Variants in NFIB observed in about 807,000 individuals in gnomAD.
The protein encoded by NFIB is nuclear factor I B.
NFIB carries 11 observed loss-of-function variants against 61.5 expected under a neutral mutation model. The observed-to-expected ratio is 0.18, with a 90% confidence interval of 0.11 to 0.30. The LOEUF is 0.30. Ranked by LOEUF, NFIB falls within the 10% of genes least tolerant of loss-of-function variation. NFIB has a pLI of 1.00. For synonymous variants in NFIB, 260 were observed against 216.5 expected (o/e 1.20, Z -1.76); for missense variants, 471 against 608.9 (o/e 0.77, Z 2.38).
chr9:14,254,589 C>G (rs1014291292), intron 2 of NFIB, among the ~76,000 whole-genome samples: 1 of 152,078 alleles, frequency 6.6e-6, no homozygotes, highest in Non-Finnish European at 1.5e-5. Context: ...ACAGTACTCC[C>G]GTGCACTGGT....
rs140705334 is a variant in NFIB at position 14,207,835 on chromosome 9, C to T, written c.563-28055G>A. 3.5e-3 allele frequency among the ~76,000 whole-genome samples: 532 copies of T among 152,256 alleles called. 3 individuals carry two copies. The highest frequency in any genetic ancestry group is 0.016 in the South Asian group (77 of 4,822). On this transcript the variant is annotated intron_variant, in intron 2 of 10. Coordinates refer to ENST00000380953, the MANE Select transcript of NFIB (RefSeq NM_001190737.2). ...GACAACATGACCACAGAGAAGAGCC[C>T]GTTTCCATTGCCACCTGAAAGACAG...
chr9:14,494,551 T>C, the NFIB span, among the ~76,000 whole-genome samples: 18 of 152,192 alleles, frequency 1.2e-4, no homozygotes, highest in Non-Finnish European at 2.9e-5. Context: ...GTTACCAACA[T>C]GGAGTGCTAC....
the NFIB span, among the ~76,000 whole-genome samples, chr9:14,509,939 C>G: frequency 1.8e-4 from 27 of 152,304 alleles, no homozygotes; most frequent in African/African-American, 6.3e-4. Context: ...CTCTGTCGCC[C>G]AGGCTGGAGT....
intron 1 of NFIB, among the ~76,000 whole-genome samples, chr9:14,330,094 T>G (rs2060803805): frequency 1.3e-5 from 2 of 152,032 alleles, no homozygotes; most frequent in Non-Finnish European, 2.9e-5. Context: ...GCCACTGCAC[T>G]CCAGCCTGGG....
At chr9:14,262,216 G>T (rs566324645) in intron 2 of NFIB, among the ~76,000 whole-genome samples, 12 of 152,108 alleles carry the variant, frequency 7.9e-5, no homozygotes, top group African/African-American at 2.9e-4. Context: ...GGCTTTGATT[G>T]TGAGGGTCAG....
chr9:14,346,760 C>A lies in NFIB; in HGVS notation c.109-39240G>T, dbSNP rs572951667. 2.5e-4 allele frequency among the ~76,000 whole-genome samples: 38 copies of A among 152,238 alleles called. No homozygotes were observed. The South Asian group carries it at 6.6e-3, about 27-fold the overall frequency. On this transcript the variant is annotated intron_variant, in intron 1 of 8. Coordinates refer to the NFIB transcript ENST00000380934. ...TCTGTGATGGTCACCTGGCGGTGCG[C>A]AAGGAGTTATAGAACCTTGAGGGGG... is the stretch of plus-strand genomic sequence containing the variant.
intron 2 of NFIB, among the ~76,000 whole-genome samples, chr9:14,205,888 G>A (rs1216043258): frequency 2.6e-5 from 4 of 151,308 alleles, no homozygotes; most frequent in Non-Finnish European, 4.4e-5. Context: ...CTCTTTAATC[G>A]TATATTTTGA....
chr9:14,496,628 G>A, the NFIB span, among the ~76,000 whole-genome samples: 36 of 152,178 alleles, frequency 2.4e-4, no homozygotes, highest in African/African-American at 7.5e-4. Flanking sequence ...CTTGCATTTC[G>A]TAGTCCATCT....
rs565746504 is a variant in NFIB, at chr9:14,363,825, T to A, written c.108+34699A>T. The stretch of plus-strand genomic sequence containing the variant: ...CTCAACTCAAAAGCATGCCGTTTTC[T>A]ATCTAGCAATATGTCTTAGACATCT... On this transcript the variant is annotated intron_variant, in intron 1 of 8. Coordinates refer to the NFIB transcript ENST00000380934. Among the ~76,000 whole-genome samples, 53 of 152,302 alleles carry A rather than the reference T, an allele frequency of 3.5e-4. No individual in the cohort carries two copies. The Middle Eastern group carries it at 0.01, about 29-fold the overall frequency.
At chr9:14,490,346 C>G in the NFIB span, among the ~76,000 whole-genome samples, 7 of 151,832 alleles carry the variant, frequency 4.6e-5, no homozygotes, top group Admixed American at 3.3e-4. Flanking sequence ...ATGTTAAAGG[C>G]AAAACTATAG....
chr9:14,392,857 G>A (rs1259462319), intron 1 of NFIB, among the ~76,000 whole-genome samples: 1 of 152,204 alleles, frequency 6.6e-6, no homozygotes, highest in Non-Finnish European at 1.5e-5. Context: ...TTATTGGTTA[G>A]CATTATTAAG....
intron 10 of NFIB, chr9:14,096,744 C>T (rs1237308894): frequency 6.6e-6 from 1 of 152,194 alleles, no homozygotes; most frequent in Non-Finnish European, 1.5e-5. Flanking sequence ...TTCGGCTCCC[C>T]TATCGATTCA....
the NFIB span, among the ~76,000 whole-genome samples, chr9:14,490,631 G>C: frequency 1.3e-5 from 2 of 152,042 alleles, no homozygotes; most frequent in South Asian, 4.1e-4. Flanking sequence ...TAGAAAAATG[G>C]GTAGAAAACA....
At chr9:14,218,948 C>G (rs1259747874) in intron 2 of NFIB, among the ~76,000 whole-genome samples, 7 of 152,168 alleles carry the variant, frequency 4.6e-5, no homozygotes, top group Non-Finnish European at 7.4e-5. Context: ...CTCTAGGGAA[C>G]TTAAAATCAT....
At chr9:14,222,942 T>C (rs998180992) in intron 2 of NFIB, among the ~76,000 whole-genome samples, 6 of 152,194 alleles carry the variant, frequency 3.9e-5, no homozygotes, top group African/African-American at 1.4e-4. Context: ...CCTGGAATTC[T>C]ATCTAGTGGC....
the NFIB span, among the ~76,000 whole-genome samples, chr9:14,482,398 C>T: frequency 9.2e-5 from 14 of 152,270 alleles, no homozygotes; most frequent in South Asian, 4.1e-4. Context: ...CCATGCATCC[C>T]GCTCTCTGGA....
Position 14,125,655 on chromosome 9 carries a change from C to T in NFIB, c.1037G>A (p.Gly346Glu). The T allele has an allele frequency of 6.2e-7, 1 of 1,614,090 alleles. No homozygotes were observed. Among genetic ancestry groups the T allele is most frequent in the Non-Finnish European group, 8.5e-7 (1 of 1,180,002 alleles). ...ACCACTGTGTGCAACTCCAGGTATT[C>T]CGGGATGGTGGTGCTGGGGGAAAGT... Reference protein sequence around the residue: ...LSTFPQHHHPGIPGVAHSVIS... With the variant: ...LSTFPQHHHPEIPGVAHSVIS... The change falls in exon 7 of 11, where the codon GGA (glycine) becomes GAA (glutamate). Residue 346 changes from glycine to glutamate, a missense_variant. Gly to Glu is a moderately conservative substitution (Grantham distance 98). Around this residue, in one of 2 missense-constraint regions of NFIB, gnomAD observed 372 missense variants for 395.6 expected, o/e 0.94. Coordinates refer to ENST00000380953, the MANE Select transcript of NFIB (RefSeq NM_001190737.2).
intron 10 of NFIB, among the ~76,000 whole-genome samples, chr9:14,109,746 G>C (rs2037067189): frequency 6.6e-6 from 1 of 152,240 alleles, no homozygotes; most frequent in East Asian, 1.9e-4. Context: ...TGACTGATTA[G>C]AGAGGATTAT....
the NFIB span, among the ~76,000 whole-genome samples, chr9:14,516,355 G>A: frequency 6.6e-6 from 1 of 152,168 alleles, no homozygotes; most frequent in Non-Finnish European, 1.5e-5. Context: ...TTATTTGGGA[G>A]TATTTCAGAT....
Sources: gnomAD v4.1 joint callset for allele counts (sites outside exome capture counted in the v4.1 genomes callset) on GRCh38, gnomAD v4.1.1 for gene constraint, gnomAD v4.1.1 regional missense constraint, MANE v1.5 for transcripts, NCBI Gene and HGNC (gene_info 2026-07-23, HGNC 2026-07-21) for gene names.